The following GABBR2 variants were observed in gnomAD, a reference collection of about 807,000 sequenced individuals.
GABBR2 encodes the protein gamma-aminobutyric acid type B receptor subunit 2.
In GABBR2, 23 loss-of-function variants were observed where a neutral mutation model predicts 105.6. That is an observed-to-expected ratio of 0.22 (90% CI 0.16 to 0.31). The LOEUF (loss-of-function observed/expected upper bound fraction) is 0.31. Ranked by LOEUF, GABBR2 falls within the 10% of genes least tolerant of loss-of-function variation. GABBR2 has a pLI of 1.00. For synonymous variants in GABBR2, 478 were observed against 499.7 expected (o/e 0.96, Z 0.58); for missense variants, 734 against 1,245.5 (o/e 0.59, Z 6.18).
intron 10 of GABBR2, among the ~76,000 whole-genome samples, chr9:98,387,965 T>C (rs990237277): frequency 1.3e-5 from 2 of 152,202 alleles, no homozygotes; most frequent in African/African-American, 4.8e-5. Context: ...ATGTGGCTTC[T>C]GGGCACCATG....
chr9:98,395,360 T>C (rs111442938), intron 8 of GABBR2, among the ~76,000 whole-genome samples: 1,673 of 152,036 alleles, frequency 0.011, 21 homozygotes, highest in Middle Eastern at 0.061. Context: ...CTGGGATGCC[T>C]GTGGAGCATC....
At chr9:98,305,757 G>T (rs1830541421) in intron 15 of GABBR2, among the ~76,000 whole-genome samples, 1 of 151,760 alleles carries the variant, frequency 6.6e-6, no homozygotes, top group Non-Finnish European at 1.5e-5. Context: ...TGAGGTTGCA[G>T]TGAGCCGAGA....
chr9:98,690,543 A>G (rs1466351587), intron 1 of GABBR2, among the ~76,000 whole-genome samples: 1 of 152,180 alleles, frequency 6.6e-6, no homozygotes, highest in African/African-American at 2.4e-5. Context: ...TGCCCAAAGA[A>G]GAAGTCATGT....
intron 1 of GABBR2, among the ~76,000 whole-genome samples, chr9:98,600,881 G>A (rs1161241663): frequency 1.3e-5 from 2 of 152,158 alleles, no homozygotes; most frequent in Non-Finnish European, 2.9e-5. Context: ...CCTCCCCTCT[G>A]CTGGTCACCT....
chr9:98,327,874 AT>A (rs1830951524), intron 13 of GABBR2, among the ~76,000 whole-genome samples: 1 of 120,832 alleles, frequency 8.3e-6, no homozygotes, highest in African/African-American at 2.9e-5. Context: ...CTCAAAAAAA[AT>A]AAAATAAAAT....
At chr9:98,332,510 G>A (rs182417399) in intron 13 of GABBR2, among the ~76,000 whole-genome samples, 5 of 152,284 alleles carry the variant, frequency 3.3e-5, no homozygotes, top group East Asian at 3.9e-4. Context: ...GAGAGGTTAA[G>A]TCACTCACCC....
intron 16 of GABBR2, among the ~76,000 whole-genome samples, chr9:98,300,906 T>G (rs556722765): frequency 6.6e-6 from 1 of 152,184 alleles, no homozygotes; most frequent in African/African-American, 2.4e-5. Flanking sequence ...TCTACACAGT[T>G]GTCAGTCATG....
At chr9:98,608,928 G>T (rs749079774) in intron 1 of GABBR2, among the ~76,000 whole-genome samples, 3 of 152,144 alleles carry the variant, frequency 2.0e-5, no homozygotes, top group Non-Finnish European at 4.4e-5. Flanking sequence ...GGGGGAAAAT[G>T]CATTTATAGA....
chr9:98,674,812 G>A (rs1026339153), intron 1 of GABBR2, among the ~76,000 whole-genome samples: 2 of 152,178 alleles, frequency 1.3e-5, no homozygotes, highest in African/African-American at 2.4e-5. Context: ...TGAGACTGGA[G>A]GGTTCAAGGC....
intron 1 of GABBR2, among the ~76,000 whole-genome samples, chr9:98,612,541 T>G (rs1829519330): frequency 2.0e-5 from 3 of 152,210 alleles, no homozygotes; most frequent in Admixed American, 2.0e-4. Flanking sequence ...TCCTGGAGAA[T>G]GTGACAAGCA....
At chr9:98,531,365 A>C (rs1266375622) in intron 3 of GABBR2, among the ~76,000 whole-genome samples, 1 of 152,210 alleles carries the variant, frequency 6.6e-6, no homozygotes, top group Non-Finnish European at 1.5e-5. Flanking sequence ...AAAATGGGAC[A>C]GCCATCTTCT....
At chr9:98,533,096 C>G (rs1365605520) in intron 3 of GABBR2, among the ~76,000 whole-genome samples, 2 of 152,192 alleles carry the variant, frequency 1.3e-5, no homozygotes, top group African/African-American at 4.8e-5. Context: ...TGGAATTCTG[C>G]AGGAGTCAGA....
At chr9:98,520,039 G>A (rs1827835466) in intron 3 of GABBR2, among the ~76,000 whole-genome samples, 2 of 152,146 alleles carry the variant, frequency 1.3e-5, no homozygotes, top group Non-Finnish European at 2.9e-5. Flanking sequence ...CCACTGCTGG[G>A]CTACCTTGGG....
At chr9:98,651,391 G>C (rs1335661580) in intron 1 of GABBR2, among the ~76,000 whole-genome samples, 1 of 152,082 alleles carries the variant, frequency 6.6e-6, no homozygotes, top group Non-Finnish European at 1.5e-5. Flanking sequence ...CTCCCAAAGT[G>C]CTGGGATTAC....
chr9:98,640,419 G>C (rs1829944000), intron 1 of GABBR2, among the ~76,000 whole-genome samples: 1 of 152,106 alleles, frequency 6.6e-6, no homozygotes, highest in Non-Finnish European at 1.5e-5. Context: ...GCATACAGGG[G>C]CAGATTACCC....
intron 6 of GABBR2, among the ~76,000 whole-genome samples, chr9:98,469,708 T>A (rs941796087): frequency 6.6e-6 from 1 of 152,200 alleles, no homozygotes; most frequent in Admixed American, 6.5e-5. Context: ...TGTGGATATA[T>A]CTTTTTAGGG....
rs566303269 is a variant in GABBR2, at chr9:98,503,905, C to T, written c.631-7391G>A. On this transcript the variant is annotated intron_variant, in intron 3 of 18. Coordinates refer to ENST00000259455, the MANE Select transcript of GABBR2 (RefSeq NM_005458.8). ...CCAATCAGAACCTCTGGGATAGGAC[C>T]CAGGCATCTGTATTTTTAGAGCTTT... Among the ~76,000 whole-genome samples the T allele has an allele frequency of 5.1e-4, 78 of 152,246 alleles. 1 individual carries two copies. Among genetic ancestry groups the T allele is most frequent in the Non-Finnish European group, 3.2e-4 (22 of 68,018 alleles).
intron 13 of GABBR2, among the ~76,000 whole-genome samples, chr9:98,335,252 A>G (rs1831093046): frequency 6.6e-6 from 1 of 152,300 alleles, no homozygotes; most frequent in African/African-American, 2.4e-5. Context: ...GTCTGCACAC[A>G]TGAACTCCCC....
chr9:98,384,880 A>T (rs1832043740), intron 11 of GABBR2, among the ~76,000 whole-genome samples: 1 of 152,234 alleles, frequency 6.6e-6, no homozygotes, highest in Admixed American at 6.5e-5. Flanking sequence ...TTAAACTTTC[A>T]TAAGAGGAAT....
Sources: gnomAD v4.1 joint callset for allele counts (sites outside exome capture counted in the v4.1 genomes callset) on GRCh38, gnomAD v4.1.1 for gene constraint, MANE v1.5 for transcripts, NCBI Gene and HGNC (gene_info 2026-07-23, HGNC 2026-07-21) for gene names.